TMEM232: variants seen among roughly 807,000 people sequenced by gnomAD.
The protein encoded by TMEM232 is transmembrane protein 232.
Under a neutral mutation model 78.8 loss-of-function variants are expected in TMEM232, and 80 were observed. The ratio of observed to expected loss-of-function variants is 1.01; its 90% CI spans 0.85 to 1.22. The LOEUF (loss-of-function observed/expected upper bound fraction) is 1.22, where lower values mean the gene tolerates loss of function less well. Ranked by LOEUF, TMEM232 falls within the 50% of genes most tolerant of loss-of-function variation. The probability of loss-of-function intolerance (pLI) is 0.00; values close to 1 mark genes in which losing one functional copy is unlikely to be tolerated. For missense variants in TMEM232, 881 were observed against 742.2 expected, an observed-to-expected ratio of 1.19 and a Z score of -2.17; for synonymous variants, 297 against 254.3, an observed-to-expected ratio of 1.17 and a Z score of -1.60.
intron 11 of TMEM232, among the ~76,000 whole-genome samples, chr5:110,567,404 T>G (rs1776463742): frequency 6.6e-6 from 1 of 151,870 alleles, no homozygotes. Flanking sequence ...ATTCAACCTA[T>G]ATTTATTGAG....
chr5:110,404,746 A>G (rs1287007422), intron 2 of TMEM232, among the ~76,000 whole-genome samples: 5 of 152,080 alleles, frequency 3.3e-5, no homozygotes, highest in African/African-American at 1.2e-4. Context: ...GCCTTGATGA[A>G]CTGAATTCCA....
intron 12 of TMEM232, among the ~76,000 whole-genome samples, chr5:110,485,274 TCCA>T (rs1764338355): frequency 6.6e-6 from 1 of 152,258 alleles, no homozygotes; most frequent in Non-Finnish European, 1.5e-5. Flanking sequence ...TACAGAATAT[TCCA>T]CCATCAACAG....
At chr5:110,652,290 G>GCA (rs1443536038) in intron 2 of TMEM232, among the ~76,000 whole-genome samples, 107 of 6,374 alleles carry the variant, frequency 0.017, no homozygotes, top group African/African-American at 0.033. Context: ...AAGTGCACGC[G>GCA]CGCGCACACA....
rs1224658490 is a variant in TMEM232 at position 110,420,493 on chromosome 5, T to C, written c.*87A>G. The C allele has an allele frequency of 2.4e-6, 2 of 825,520 alleles. No homozygotes were observed. The highest frequency in any genetic ancestry group is 3.6e-5 in the African/African-American group (2 of 54,844). 51.1% of individuals were successfully genotyped at this position (825,520 alleles called of 1,614,324 possible). ...TCCATTTAATGACAAGAAAGTTCTC[T>C]TACTATGTAGCTATCTTGGTATTTT... On this transcript the variant is annotated 3_prime_UTR_variant, in exon 14 of 14. Transcript: ENST00000455884.
chr5:110,675,270 C>T (rs562258620), intron 1 of TMEM232, among the ~76,000 whole-genome samples: 1 of 152,108 alleles, frequency 6.6e-6, no homozygotes, highest in Admixed American at 6.6e-5. Flanking sequence ...GTCTCGACCT[C>T]TTGACCTCAA....
intron 2 of TMEM232, among the ~76,000 whole-genome samples, chr5:110,663,745 ATGTG>A (rs34518185): frequency 5.7e-4 from 77 of 134,144 alleles, no homozygotes; most frequent in Middle Eastern, 4.1e-3. Flanking sequence ...GTGTGTGTGT[ATGTG>A]TGTGTGTGTG....
At chr5:110,496,425 A>G (rs1281932535) in intron 12 of TMEM232, among the ~76,000 whole-genome samples, 1 of 151,990 alleles carries the variant, frequency 6.6e-6, no homozygotes, top group African/African-American at 2.4e-5. Context: ...AATGTCTTAC[A>G]TTTTTATTTC....
intron 2 of TMEM232, among the ~76,000 whole-genome samples, chr5:110,646,946 TTTC>T (rs1014100097): frequency 1.9e-4 from 29 of 151,882 alleles, no homozygotes; most frequent in East Asian, 1.5e-3. Context: ...TTTGTTTTTT[TTTC>T]TTCTTCTTCT....
At chr5:110,593,157 A>C (rs1030995664) in intron 10 of TMEM232, among the ~76,000 whole-genome samples, 1 of 152,172 alleles carries the variant, frequency 6.6e-6, no homozygotes, top group African/African-American at 2.4e-5. Flanking sequence ...CACTGCTCAG[A>C]AGGAAGAAAG....
At chr5:110,450,167 C>T (rs979963901) in intron 12 of TMEM232, among the ~76,000 whole-genome samples, 1 of 152,154 alleles carries the variant, frequency 6.6e-6, no homozygotes, top group Non-Finnish European at 1.5e-5. Context: ...TTCCTGAGGC[C>T]TCACAGCCAT....
At chr5:110,691,145 G>GAAA (rs113172226) in intron 1 of TMEM232, among the ~76,000 whole-genome samples, 11 of 139,158 alleles carry the variant, frequency 7.9e-5, no homozygotes, top group African/African-American at 2.9e-4. Context: ...AAAGTATAAG[G>GAAA]AAAAAAAAAA....
At chr5:110,642,110 A>T in intron 3 of TMEM232, 150 bp downstream of exon 3, 1 of 468,750 alleles carries the variant, frequency 2.1e-6, no homozygotes, top group Non-Finnish European at 3.5e-6. Context: ...ATAAGCTTTA[A>T]TTTTAATTTG....
upstream of TMEM232, chr5:110,738,125 G>T: frequency 2.2e-6 from 2 of 924,032 alleles, no homozygotes; most frequent in South Asian, 1.7e-5. Context: ...GAGTTCTCTT[G>T]GAAAAGCTCT....
chr5:110,583,106 C>T (rs1243987844), intron 10 of TMEM232, among the ~76,000 whole-genome samples: 7 of 151,928 alleles, frequency 4.6e-5, no homozygotes, highest in Non-Finnish European at 4.4e-5. Context: ...TCAATACTGT[C>T]TCCATCAAAA....
At chr5:110,415,660 A>G (rs780790901), downstream of TMEM232, among the ~76,000 whole-genome samples, 8 of 151,900 alleles carry the variant, frequency 5.3e-5, no homozygotes, top group Non-Finnish European at 7.4e-5. Flanking sequence ...ATTGCTTTTT[A>G]TTGGGAAGCT....
intron 11 of TMEM232, among the ~76,000 whole-genome samples, chr5:110,555,205 T>G (rs1774931313): frequency 6.6e-6 from 1 of 152,182 alleles, no homozygotes; most frequent in African/African-American, 2.4e-5. Flanking sequence ...GATTCTGGTA[T>G]GTTGTATCTT....
intron 11 of TMEM232, among the ~76,000 whole-genome samples, chr5:110,534,801 C>A (rs537489031): frequency 1.3e-5 from 2 of 152,316 alleles, no homozygotes; most frequent in Admixed American, 1.3e-4. Flanking sequence ...CCTAGGTCAT[C>A]CCAATTCTTA....
Position 110,583,890 on chromosome 5 carries a change from T to A in TMEM232, c.1277-15265A>T, listed in dbSNP as rs77452413. Among the ~76,000 whole-genome samples the A allele has an allele frequency of 0.013, 1,965 of 147,976 alleles. 117 individuals carry two copies. The East Asian group carries it at 0.2, about 15-fold the overall frequency. On this transcript the variant is annotated intron_variant, in intron 10 of 13. Coordinates refer to ENST00000455884, the MANE Select transcript of TMEM232 (RefSeq NM_001039763.4). ...AAATGGTATGTGAAAATATGCTCAATATCACTAATTATCAAGGAAATACGA... is the reference window on the plus strand; with the variant it reads ...AAATGGTATGTGAAAATATGCTCAAAATCACTAATTATCAAGGAAATACGA...
chr5:110,709,464 G>A (rs114324511), intron 1 of TMEM232, among the ~76,000 whole-genome samples: 4 of 152,068 alleles, frequency 2.6e-5, no homozygotes, highest in African/African-American at 9.6e-5. Context: ...TCATTCTCTA[G>A]AATAGACCAT....
Sources: allele counts gnomAD v4.1 joint callset (sites outside exome capture counted in the v4.1 genomes callset), GRCh38; gene constraint gnomAD v4.1.1; transcripts MANE v1.5; gene names NCBI Gene and HGNC (gene_info 2026-07-23, HGNC 2026-07-21).